Variants in TMEM184B observed in about 807,000 individuals in gnomAD.
TMEM184B encodes the protein transmembrane protein 184B, also known as putative MAPK-activating protein FM08.
A neutral mutation model predicts 41.8 loss-of-function variants in TMEM184B; 17 were observed. That is an observed-to-expected ratio of 0.41 (90% CI 0.28 to 0.61). TMEM184B has a LOEUF of 0.61. TMEM184B is among the 20% of genes least tolerant of loss of function. TMEM184B has a pLI of 0.34. For synonymous variants in TMEM184B, 240 were observed against 229.5 expected, an observed-to-expected ratio of 1.05 and a Z score of -0.41; for missense variants, 393 against 557.8, an observed-to-expected ratio of 0.70 and a Z score of 2.98.
At chr22:38,259,965 A>G in intron 1 of TMEM184B, among the ~76,000 whole-genome samples, 1 of 118,610 alleles carries the variant, frequency 8.4e-6, no homozygotes, top group Admixed American at 1.0e-4. Context: ...TTTTTGTGAG[A>G]CGGAGTCTCA....
At position 38,231,327 on chromosome 22, in the gene TMEM184B, G is replaced by T; in HGVS notation, c.366C>A (p.Val122=). The change falls in exon 4 of 9, where the codon GTC becomes GTA. Residue 122 remains valine (V), a synonymous_variant. Coordinates refer to ENST00000361906, the MANE Select transcript of TMEM184B (RefSeq NM_012264.5). ...GTVRDCYEAL[V]IYNFLSLCYE... ...AGCACAGGCTCAGGAAATTATAGATGACCAAGGCTGCGAAGAGAGTGTCCA... is the reference window on the plus strand; with the variant it reads ...AGCACAGGCTCAGGAAATTATAGATTACCAAGGCTGCGAAGAGAGTGTCCA... 6.2e-7 allele frequency: 1 copy of T among 1,614,052 alleles called. No homozygotes were observed. Among genetic ancestry groups the T allele is most frequent in the South Asian group, 1.1e-5 (1 of 91,076 alleles).
chr22:38,218,245 C>T (rs2091173971), downstream of TMEM184B, among the ~76,000 whole-genome samples: 1 of 152,202 alleles, frequency 6.6e-6, no homozygotes, highest in Non-Finnish European at 1.5e-5. Flanking sequence ...ACCCAATCTG[C>T]CAGCCCTTCT....
chr22:38,259,601 T>C (rs1367331210), intron 1 of TMEM184B, among the ~76,000 whole-genome samples: 1 of 152,138 alleles, frequency 6.6e-6, no homozygotes, highest in East Asian at 1.9e-4. Context: ...CTCTAGGAGC[T>C]GGAAGAGGCA....
At chr22:38,231,206 C>T (rs910539815) in intron 4 of TMEM184B, 38 bp downstream of exon 4, 14 of 1,573,764 alleles carry the variant, frequency 8.9e-6, no homozygotes, top group Admixed American at 5.0e-5. Context: ...GCCCAGGAAA[C>T]GGGGTGGTTT....
rs2091242138 is a variant in TMEM184B at position 38,221,041 on chromosome 22, CAGACAGGGT to C, written c.*419_*427del. 9.9e-7 allele frequency: 1 copy of C among 1,013,248 alleles called. No individual in the cohort carries two copies. Among genetic ancestry groups the C allele is most frequent in the Non-Finnish European group, 1.2e-6 (1 of 847,818 alleles). The allele number at this position is 1,013,248 out of a possible 1,614,324, so 62.8% of individuals were successfully genotyped here. A position where few individuals can be genotyped will look rare whatever the true frequency, so the allele number is the denominator to read the frequency against. On this transcript the variant is annotated 3_prime_UTR_variant, in exon 9 of 9. Coordinates refer to ENST00000361906, the MANE Select transcript of TMEM184B (RefSeq NM_012264.5). The stretch of plus-strand genomic sequence containing the variant: ...GGATGCAGGCGGGAAGAGCCCAGGT[CAGACAGGGT>C]ATTGCACGGTGTGTGGGGGAGCCAC...
intron 1 of TMEM184B, among the ~76,000 whole-genome samples, chr22:38,258,104 G>A (rs1399034697): frequency 6.6e-6 from 1 of 152,116 alleles, no homozygotes; most frequent in Non-Finnish European, 1.5e-5. Context: ...AAGAGGCCAG[G>A]CCACGCAGTC....
At chr22:38,216,813 G>A (rs570444961), downstream of TMEM184B, among the ~76,000 whole-genome samples, 60 of 152,088 alleles carry the variant, frequency 3.9e-4, no homozygotes, top group Non-Finnish European at 7.6e-4. Context: ...GGAGGCTGAA[G>A]CAAGAGGATC....
At position 38,225,757 on chromosome 22, in the gene TMEM184B, G is replaced by C. The variant is rs2091415277; in HGVS notation, c.618-164C>G. ...ATGGGTGATCAAAGCGACAGACAGG[G>C]GTGGGGGTACATGGGGTGCGCCTGC... On this transcript the variant is annotated intron_variant, in intron 6 of 8. Transcript: ENST00000361906. This position sits in a 1 kb window ranked among gnomAD's most constrained non-coding sequence, Gnocchi z 4.4. Among the ~76,000 whole-genome samples the C allele has an allele frequency of 2.6e-5, 4 of 152,206 alleles. No homozygotes were observed. The highest frequency in any genetic ancestry group is 9.7e-5 in the African/African-American group (4 of 41,438).
At chr22:38,240,621 G>A (rs1024032665) in intron 3 of TMEM184B, among the ~76,000 whole-genome samples, 2 of 151,468 alleles carry the variant, frequency 1.3e-5, no homozygotes, top group Non-Finnish European at 2.9e-5. Context: ...ACACTGGAAG[G>A]GCCCGCCAGG....
chr22:38,254,291 G>A (rs1431451386), intron 1 of TMEM184B, among the ~76,000 whole-genome samples: 12 of 151,362 alleles, frequency 7.9e-5, no homozygotes, highest in African/African-American at 2.7e-4. Context: ...AGATATCTCA[G>A]TAAAGAAGAG....
At chr22:38,232,382 T>G (rs7290372) in intron 3 of TMEM184B, 88,060 of 152,088 alleles carry the variant, frequency 0.58, 27,406 homozygotes, top group African/African-American at 0.82. Flanking sequence ...CCTGGTCAGG[T>G]GGTTCCTTCT....
downstream of TMEM184B, among the ~76,000 whole-genome samples, chr22:38,218,588 C>A (rs532869719): frequency 3.3e-5 from 5 of 152,100 alleles, no homozygotes; most frequent in Non-Finnish European, 7.4e-5. Context: ...GATTTGAGTC[C>A]GGGAAAGGGC....
At position 38,247,925 on chromosome 22, in the gene TMEM184B, C is replaced by G. The variant is rs2092074031; in HGVS notation, c.37G>C (p.Ala13Pro). Reference protein sequence around the residue: ...VRGDVLAPDPASPTTAAASPS... With the variant: ...VRGDVLAPDPPSPTTAAASPS... ...GAGGCTGCTGCGGTCGTGGGCGACGCTGGATCCGGGGCCAGCACATCCCCC... is the reference window on the plus strand; with the variant it reads ...GAGGCTGCTGCGGTCGTGGGCGACGGTGGATCCGGGGCCAGCACATCCCCC... The change falls in exon 2 of 9, where the codon GCG becomes CCG. Residue 13 changes from alanine (A) to proline (P), a missense_variant. Around this residue, in one of 2 missense-constraint regions of TMEM184B, gnomAD observed 122 missense variants for 123.7 expected, o/e 0.99. Transcript: ENST00000361906. 1.3e-6 allele frequency: 2 copies of G among 1,597,718 alleles called. No individual in the cohort carries two copies. Among genetic ancestry groups the G allele is most frequent in the Admixed American group, 3.4e-5 (2 of 58,048 alleles).
intron 1 of TMEM184B, among the ~76,000 whole-genome samples, chr22:38,258,926 T>C (rs576388878): frequency 6.6e-6 from 1 of 152,182 alleles, no homozygotes; most frequent in Admixed American, 6.5e-5. Flanking sequence ...ACATCCAGTG[T>C]CGTTTATTTC....
intron 1 of TMEM184B, among the ~76,000 whole-genome samples, chr22:38,258,299 A>ATT (rs1300992198): frequency 6.8e-6 from 1 of 148,060 alleles, no homozygotes; most frequent in Non-Finnish European, 1.5e-5. Flanking sequence ...AATTTTTCCA[A>ATT]ATTTTTTTTT....
chr22:38,252,592 GT>G (rs113821715), intron 1 of TMEM184B, among the ~76,000 whole-genome samples: 4,101 of 152,230 alleles, frequency 0.027, 178 homozygotes, highest in African/African-American at 0.094. Context: ...CACTGCTGAG[GT>G]GAGTGTCCAG....
chr22:38,242,993 T>C (rs972513417), intron 3 of TMEM184B, among the ~76,000 whole-genome samples: 1 of 131,644 alleles, frequency 7.6e-6, no homozygotes, highest in Non-Finnish European at 1.5e-5. Flanking sequence ...ACCTAGGAGG[T>C]GGAGAATGCA....
intron 1 of TMEM184B, among the ~76,000 whole-genome samples, chr22:38,248,673 C>G (rs945524879): frequency 3.3e-5 from 5 of 152,218 alleles, no homozygotes; most frequent in Admixed American, 3.3e-4. Context: ...CTGTTCCCCC[C>G]ACCCCACCTA....
intron 1 of TMEM184B, among the ~76,000 whole-genome samples, chr22:38,254,914 C>T (rs951197212): frequency 6.0e-5 from 9 of 150,982 alleles, no homozygotes; most frequent in African/African-American, 1.5e-4. Flanking sequence ...TGCACTGGCA[C>T]CATCTTGGCT....
Sources: gnomAD v4.1 joint callset for allele counts (sites outside exome capture counted in the v4.1 genomes callset) on GRCh38, gnomAD v4.1.1 for gene constraint, gnomAD v4.1.1 regional missense constraint, Gnocchi (gnomAD v3.1) non-coding constraint, MANE v1.5 for transcripts, NCBI Gene and HGNC (gene_info 2026-07-23, HGNC 2026-07-21) for gene names.